The following LCMT1 variants were observed in gnomAD, a reference collection of about 807,000 sequenced individuals.
LCMT1 encodes the protein leucine carboxyl methyltransferase 1.
A neutral mutation model predicts 47.7 loss-of-function variants in LCMT1; 32 were observed. That is an observed-to-expected ratio of 0.67 (90% CI 0.51 to 0.90). The LOEUF is 0.90. Among genes scored for constraint, LCMT1 ranks in the 40% least tolerant of loss-of-function variants. LCMT1 has a pLI of 0.00. For synonymous variants in LCMT1, 152 were observed against 149.7 expected, an observed-to-expected ratio of 1.02 and a Z score of -0.11; for missense variants, 375 against 415.2, an observed-to-expected ratio of 0.90 and a Z score of 0.84.
chr16:25,128,381 A>C, intron 1 of LCMT1, 94 bp from the exon 2 acceptor site: 2 of 869,060 alleles, frequency 2.3e-6, no homozygotes, highest in Admixed American at 5.3e-5. Context: ...GTTTTCGTCG[A>C]GTTCCTTGAT....
At chr16:25,128,823 C>T in intron 2 of LCMT1, among the ~76,000 whole-genome samples, 1 of 149,564 alleles carries the variant, frequency 6.7e-6, no homozygotes, top group Non-Finnish European at 1.5e-5. Flanking sequence ...AAACCAAACA[C>T]CGCATGTTCT....
At chr16:25,126,695 A>G (rs901424621) in intron 1 of LCMT1, among the ~76,000 whole-genome samples, 2 of 152,208 alleles carry the variant, frequency 1.3e-5, no homozygotes, top group African/African-American at 2.4e-5. Context: ...GCTCTTTATT[A>G]TCCAAGAGTC....
At chr16:25,117,978 G>A (rs529685789) in intron 1 of LCMT1, among the ~76,000 whole-genome samples, 13 of 152,190 alleles carry the variant, frequency 8.5e-5, no homozygotes, top group East Asian at 7.7e-4. Flanking sequence ...ATTTGGCTAA[G>A]TAAGGAAAGG....
At chr16:25,176,260 C>T (rs906501934) in intron 10 of LCMT1, among the ~76,000 whole-genome samples, 5 of 152,226 alleles carry the variant, frequency 3.3e-5, no homozygotes, top group African/African-American at 9.6e-5. Context: ...CTCTCCAGCC[C>T]GATGGAGGCC....
At chr16:25,174,783 A>G in intron 9 of LCMT1, 154 bp from the exon 10 acceptor site, 1 of 407,244 alleles carries the variant, frequency 2.5e-6, no homozygotes. Flanking sequence ...CAGTGAAAAG[A>G]CATTAAAATG....
At position 25,161,122 on chromosome 16, in the gene LCMT1, A is replaced by G. The variant is rs562196872; in HGVS notation, c.487A>G (p.Lys163Glu). Residue 163 changes from lysine (K) to glutamate (E), a missense_variant, in exon 6 of 11, where the codon AAG becomes GAG. Coordinates refer to ENST00000399069, the MANE Select transcript of LCMT1 (RefSeq NM_016309.3). ...LQMDGHILDS[K>E]RYAVIGADLR... ...TGCAGATGGACACATACTGGATTCAAAGAGATATGCCGTTATTGGAGCAGA... is the reference window on the plus strand; with the variant it reads ...TGCAGATGGACACATACTGGATTCAGAGAGATATGCCGTTATTGGAGCAGA... 2 of 1,608,998 alleles carry G rather than the reference A, an allele frequency of 1.2e-6. No individual in the cohort carries two copies. Among genetic ancestry groups the G allele is most frequent in the African/African-American group, 2.7e-5 (2 of 74,976 alleles).
intron 10 of LCMT1, among the ~76,000 whole-genome samples, chr16:25,175,989 G>A (rs1238026507): frequency 1.3e-5 from 2 of 152,130 alleles, no homozygotes; most frequent in Admixed American, 6.6e-5. Context: ...AGTAACCGGC[G>A]TTTGTCTTTT....
At chr16:25,137,520 C>T (rs145962161) in intron 3 of LCMT1, among the ~76,000 whole-genome samples, 1 of 152,260 alleles carries the variant, frequency 6.6e-6, no homozygotes, top group Admixed American at 6.5e-5. Context: ...TCTCAGCTCA[C>T]TGTAGCCTCC....
intron 2 of LCMT1, 104 bp from the exon 3 acceptor site, chr16:25,132,298 G>C: frequency 7.3e-7 from 1 of 1,364,626 alleles, no homozygotes; most frequent in Non-Finnish European, 1.0e-6. Context: ...ACTGCAGAAG[G>C]GCGCATGCTC....
At chr16:25,139,117 G>T (rs529706840) in intron 3 of LCMT1, among the ~76,000 whole-genome samples, 3 of 152,062 alleles carry the variant, frequency 2.0e-5, no homozygotes, top group African/African-American at 7.2e-5. Flanking sequence ...TCACCATGTT[G>T]GCCAGGATGG....
At position 25,132,507 on chromosome 16, in the gene LCMT1, C is replaced by T. The variant is rs760288917; in HGVS notation, c.311C>T (p.Thr104Ile). 2 of 1,613,820 alleles carry T rather than the reference C, an allele frequency of 1.2e-6. No individual in the cohort carries two copies. Among genetic ancestry groups the T allele is most frequent in the South Asian group, 1.1e-5 (1 of 91,056 alleles). ...AACCTTGGGGCAGGCATGGATACCA[C>T]CTTCTGGAGATTAAAGGTATGTTCA... ...IVNLGAGMDT[T>I]FWRLKDEDLL... Residue 104 changes from threonine (T) to isoleucine (I), a missense_variant, in exon 3 of 11, where the codon ACC becomes ATC. Physicochemically the swap from Thr to Ile is moderately conservative, Grantham distance 89. Coordinates refer to ENST00000399069, the MANE Select transcript of LCMT1 (RefSeq NM_016309.3).
intron 1 of LCMT1, 114 bp downstream of exon 1, chr16:25,112,110 G>A (rs1158624693): frequency 1.4e-6 from 1 of 736,664 alleles, no homozygotes; most frequent in Non-Finnish European, 2.4e-6. Context: ...CCCCCGCCTC[G>A]CACGACCCTC....
chr16:25,151,812 C>CA (rs1304964846), intron 5 of LCMT1, among the ~76,000 whole-genome samples, 197 bp downstream of exon 5: 1 of 151,864 alleles, frequency 6.6e-6, no homozygotes, highest in Non-Finnish European at 1.5e-5. Flanking sequence ...GTTGAGCCTG[C>CA]AGGGTGGCCA....
chr16:25,140,163 T>C lies in LCMT1; in HGVS notation c.328-8T>C, dbSNP rs1960637298. 1 of 1,599,098 alleles carries C rather than the reference T, an allele frequency of 6.3e-7. No homozygotes were observed. Among genetic ancestry groups the C allele is most frequent in the African/African-American group, 1.3e-5 (1 of 74,812 alleles). On this transcript the variant is annotated splice_polypyrimidine_tract_variant and splice_region_variant and intron_variant, in intron 3 of 10. Transcript: ENST00000399069. ...AAGAAATAAAAAGTATTGTGTGTTT[T>C]TCCCCAGGATGAAGATCTTCTCCCA...
chr16:25,124,101 C>G (rs548574866), intron 1 of LCMT1, among the ~76,000 whole-genome samples: 1 of 152,110 alleles, frequency 6.6e-6, no homozygotes, highest in African/African-American at 2.4e-5. Context: ...AGAAAGAATC[C>G]TAGGAAAGGA....
intron 8 of LCMT1, among the ~76,000 whole-genome samples, chr16:25,169,961 T>C (rs1238852732): frequency 6.6e-6 from 1 of 152,130 alleles, no homozygotes; most frequent in Non-Finnish European, 1.5e-5. Flanking sequence ...GGCTCACACC[T>C]ATAATCCCAG....
chr16:25,169,318 T>A, intron 8 of LCMT1, 105 bp downstream of exon 8: 1 of 748,170 alleles, frequency 1.3e-6, no homozygotes, highest in South Asian at 1.6e-5. Context: ...GTTCAGTGCC[T>A]GTCAGCAGCA....
intron 3 of LCMT1, among the ~76,000 whole-genome samples, chr16:25,133,616 C>CA (rs1163071185): frequency 4.7e-5 from 7 of 150,366 alleles, no homozygotes; most frequent in African/African-American, 1.7e-4. Context: ...CCAGGCTGCT[C>CA]ACAATCTTCT....
rs1391140178 is a variant in LCMT1, at chr16:25,125,350, T to C, written c.114-3125T>C. Among the ~76,000 whole-genome samples, 4 of 152,224 alleles carry C rather than the reference T, an allele frequency of 2.6e-5. No homozygotes were observed. The South Asian group carries it at 6.2e-4, about 24-fold the overall frequency. ...GTTCAGTGTTCCTGCAGAGAAATCT[T>C]TGTGCCCATACTTGATTTTCTTAGG... On this transcript the variant is annotated intron_variant, in intron 1 of 10. Coordinates refer to ENST00000399069, the MANE Select transcript of LCMT1 (RefSeq NM_016309.3).
Sources: gnomAD v4.1 joint callset for allele counts (sites outside exome capture counted in the v4.1 genomes callset) on GRCh38, gnomAD v4.1.1 for gene constraint, MANE v1.5 for transcripts, NCBI Gene and HGNC (gene_info 2026-07-23, HGNC 2026-07-21) for gene names.